CTH: variants seen among roughly 807,000 people sequenced by gnomAD.
CTH encodes cystathionine gamma-lyase, also known as cystathionase (cystathionine gamma-lyase).
In CTH, 41 loss-of-function variants were observed where a neutral mutation model predicts 50.6. The observed-to-expected ratio is 0.81, with a 90% CI of 0.63 to 1.05. The LOEUF (loss-of-function observed/expected upper bound fraction) is 1.05, where lower values mean the gene tolerates loss of function less well. Ranked by LOEUF, CTH falls within the 50% of genes least tolerant of loss-of-function variation. The pLI, the probability that CTH is intolerant of heterozygous loss-of-function variation, is 0.00. For synonymous variants in CTH, 156 were observed against 168.9 expected, an observed-to-expected ratio of 0.92 and a Z score of 0.59; for missense variants, 470 against 492.6, an observed-to-expected ratio of 0.95 and a Z score of 0.43.
intron 9 of CTH, chr1:70,434,863 C>G: frequency 2.9e-6 from 1 of 342,616 alleles, no homozygotes; most frequent in Non-Finnish European, 5.6e-6. Flanking sequence ...AGTGATACTC[C>G]TGCTTCAGCC....
chr1:70,422,212 C>G lies in CTH; in HGVS notation c.456+537C>G, dbSNP rs1172974976. Among the ~76,000 whole-genome samples the G allele has an allele frequency of 5.9e-5, 9 of 152,182 alleles. No homozygotes were observed. In the East Asian group the frequency reaches 1.7e-3, roughly 29 times the overall value. On this transcript the variant is annotated intron_variant, in intron 4 of 11. Coordinates refer to ENST00000370938, the MANE Select transcript of CTH (RefSeq NM_001902.6). Reference sequence around the variant, plus strand: ...TGGCTTTGCCGGGCTGTAAGGGATGCTGCCCAGATACTAGTTAGATGTGGA... The same window carrying G: ...TGGCTTTGCCGGGCTGTAAGGGATGGTGCCCAGATACTAGTTAGATGTGGA...
intron 5 of CTH, among the ~76,000 whole-genome samples, chr1:70,425,006 A>G (rs2101743408): frequency 6.6e-6 from 1 of 152,244 alleles, no homozygotes; most frequent in East Asian, 1.9e-4. Context: ...TGTATCTGCT[A>G]ATACCTTATG....
intron 4 of CTH, 117 bp from the exon 5 acceptor site, chr1:70,424,168 A>G (rs553984471): frequency 7.6e-6 from 12 of 1,573,922 alleles, no homozygotes; most frequent in African/African-American, 6.8e-5. Context: ...ACCTCCCAAC[A>G]TCATCATCCA....
At chr1:70,416,067 T>C (rs1684085433) in intron 2 of CTH, 30 bp downstream of exon 2, 2 of 1,250,858 alleles carry the variant, frequency 1.6e-6, no homozygotes, top group Non-Finnish European at 2.4e-6. Context: ...CAGTCTAGAA[T>C]CTATTTTTAA....
At chr1:70,432,757 C>T (rs1008783301) in intron 8 of CTH, among the ~76,000 whole-genome samples, 6 of 147,358 alleles carry the variant, frequency 4.1e-5, no homozygotes, top group Non-Finnish European at 8.9e-5. Flanking sequence ...AATTTCAGCT[C>T]ACTGCAACCT....
chr1:70,429,659 A>T (rs1684420977), intron 5 of CTH, 135 bp from the exon 6 acceptor site: 1 of 666,942 alleles, frequency 1.5e-6, no homozygotes, highest in Non-Finnish European at 2.7e-6. Flanking sequence ...GATCCTGGAA[A>T]ATTTTAAGAT....
At position 70,418,046 on chromosome 1, in the gene CTH, C is replaced by A. The variant is rs1432391485; in HGVS notation, c.346+14C>A. 1 of 1,613,034 alleles carries A rather than the reference C, an allele frequency of 6.2e-7. No homozygotes were observed. Among genetic ancestry groups the A allele is most frequent in the South Asian group, 1.1e-5 (1 of 91,062 alleles). On this transcript the variant is annotated intron_variant, in intron 3 of 11. Coordinates refer to ENST00000370938, the MANE Select transcript of CTH (RefSeq NM_001902.6). ...ATGTGTATGGAGGTAGGTGACCCCT[C>A]TCATTTATATTCTGTAAACTTGTAT... is the stretch of plus-strand genomic sequence containing the variant.
chr1:70,435,431 A>G (rs1165178235), intron 10 of CTH, among the ~76,000 whole-genome samples: 1 of 151,976 alleles, frequency 6.6e-6, no homozygotes, highest in Non-Finnish European at 1.5e-5. Flanking sequence ...TCCAGCAGTA[A>G]CTGTATTCTA....
intron 9 of CTH, chr1:70,434,898 G>T: frequency 2.7e-6 from 1 of 366,254 alleles, no homozygotes; most frequent in Non-Finnish European, 5.2e-6. Context: ...GATTACAGGT[G>T]CGTGCCACCA....
chr1:70,415,862 C>T, intron 1 of CTH, 94 bp from the exon 2 acceptor site: 1 of 761,450 alleles, frequency 1.3e-6, no homozygotes, highest in Non-Finnish European at 2.4e-6. Flanking sequence ...AGAATAGAAA[C>T]TAATTATGGT....
At chr1:70,438,659 A>G in intron 10 of CTH, 29 bp from the exon 11 acceptor site, 2 of 1,613,686 alleles carry the variant, frequency 1.2e-6, no homozygotes, top group Non-Finnish European at 1.7e-6. Flanking sequence ...CAATATAGTG[A>G]TCAAAAATTT....
intron 10 of CTH, among the ~76,000 whole-genome samples, chr1:70,436,113 C>A (rs1684592244): frequency 6.6e-6 from 1 of 151,850 alleles, no homozygotes; most frequent in South Asian, 2.1e-4. Context: ...GAGTTCAAGA[C>A]CAGCCTGGCC....
chr1:70,411,653 G>T lies in CTH; in HGVS notation c.168+70G>T, dbSNP rs1039573523. 22 of 1,561,046 alleles carry T rather than the reference G, an allele frequency of 1.4e-5. No individual in the cohort carries two copies. The African/African-American group carries it at 2.2e-4, about 16-fold the overall frequency. ...GAGATACGGCTTATGAATTTGAAAG[G>T]CATGTAAGTAATTTATAATATGACT... is the stretch of plus-strand genomic sequence containing the variant. On this transcript the variant is annotated intron_variant, in intron 1 of 11. Transcript: ENST00000370938.
chr1:70,439,167 T>TTTGATCTTCA lies in CTH; in HGVS notation c.*40_*41insTTGATCTTCA. On this transcript the variant is annotated 3_prime_UTR_variant, in exon 12 of 12. Coordinates refer to ENST00000370938, the MANE Select transcript of CTH (RefSeq NM_001902.6). Reference sequence around the variant, plus strand: ...TATTAGAAGCTGCTTCCTGTGAAGATCAAATCTTCCTGAGTAATTAAATGG... The same window carrying TTTGATCTTCA: ...TATTAGAAGCTGCTTCCTGTGAAGATTTGATCTTCACAAATCTTCCTGAGTAATTAAATGG... 1 of 1,590,652 alleles carries TTTGATCTTCA rather than the reference T, an allele frequency of 6.3e-7. No homozygotes were observed. The highest frequency in any genetic ancestry group is 8.6e-7 in the Non-Finnish European group (1 of 1,158,508).
intron 1 of CTH, among the ~76,000 whole-genome samples, chr1:70,414,150 G>T (rs1336101818): frequency 6.6e-6 from 1 of 151,810 alleles, no homozygotes; most frequent in Non-Finnish European, 1.5e-5. Flanking sequence ...TAATCTGCAG[G>T]GTACAGCTGC....
At chr1:70,415,418 T>C (rs1166579371) in intron 1 of CTH, among the ~76,000 whole-genome samples, 3 of 152,016 alleles carry the variant, frequency 2.0e-5, no homozygotes, top group African/African-American at 4.8e-5. Flanking sequence ...AAAAAAAACT[T>C]GTATCACTTA....
intron 5 of CTH, among the ~76,000 whole-genome samples, chr1:70,425,544 A>G (rs1026586356): frequency 6.6e-6 from 1 of 152,194 alleles, no homozygotes; most frequent in African/African-American, 2.4e-5. Context: ...AAATAATCCG[A>G]GACTGCGTAA....
chr1:70,421,650 A>T lies in CTH; in HGVS notation c.431A>T (p.Glu144Val). Residue 144 changes from glutamate (E) to valine (V), a missense_variant, in exon 4 of 12, where the codon GAG becomes GTG. Glu to Val is a moderately radical substitution (Grantham distance 121). Coordinates refer to ENST00000370938, the MANE Select transcript of CTH (RefSeq NM_001902.6). ...FVDCSKIKLL[E>V]AAITPETKLV... ...GATTGTTCCAAAATCAAATTACTAG[A>T]GGCAGCAATTACACCAGAAACCAAG... 1.2e-6 allele frequency: 2 copies of T among 1,613,954 alleles called. No homozygotes were observed. Among genetic ancestry groups the T allele is most frequent in the Non-Finnish European group, 1.7e-6 (2 of 1,179,918 alleles).
chr1:70,411,268 G>A lies in CTH; in HGVS notation c.-148G>A. ...AAATCCACCCCAACAATCGCTGTGT[G>A]CCGCTTTAGTGCGCTCGCCGTCGGC... On this transcript the variant is annotated 5_prime_UTR_variant, in exon 1 of 12. Coordinates refer to ENST00000370938, the MANE Select transcript of CTH (RefSeq NM_001902.6). The A allele has an allele frequency of 2.5e-6, 2 of 814,298 alleles. No homozygotes were observed. Among genetic ancestry groups the A allele is most frequent in the Non-Finnish European group, 4.4e-6 (2 of 454,670 alleles). The allele number at this position is 814,298 out of a possible 1,614,324, so 50.4% of individuals were successfully genotyped here. A position where few individuals can be genotyped will look rare whatever the true frequency, so the allele number is the denominator to read the frequency against.
Sources: gnomAD v4.1 joint callset for allele counts (sites outside exome capture counted in the v4.1 genomes callset) on GRCh38, gnomAD v4.1.1 for gene constraint, MANE v1.5 for transcripts, NCBI Gene and HGNC (gene_info 2026-07-23, HGNC 2026-07-21) for gene names.